The following ROBO1 variants were observed in gnomAD, a reference collection of about 807,000 sequenced individuals.
The protein encoded by ROBO1 is roundabout homolog 1.
In ROBO1, 149 loss-of-function variants were observed where a neutral mutation model predicts 195.9. The observed-to-expected ratio is 0.76, with a 90% CI of 0.67 to 0.87. The LOEUF is 0.87. ROBO1 is among the 40% of genes least tolerant of loss of function. The pLI is 0.00. For missense variants in ROBO1, 1,933 were observed against 2,068.3 expected (o/e 0.93, Z 1.27); for synonymous variants, 816 against 733.2 (o/e 1.11, Z -1.82).
At chr3:78,893,509 A>G (rs1413879877) in intron 4 of ROBO1, among the ~76,000 whole-genome samples, 1 of 152,190 alleles carries the variant, frequency 6.6e-6, no homozygotes, top group Non-Finnish European at 1.5e-5. Flanking sequence ...TAAATTACTC[A>G]GTCTTAGATA....
At chr3:79,205,020 T>A (rs1476593125) in intron 2 of ROBO1, among the ~76,000 whole-genome samples, 5 of 151,698 alleles carry the variant, frequency 3.3e-5, no homozygotes, top group Admixed American at 3.3e-4. Context: ...TTAGAGAGAG[T>A]CTCACTCTGT....
At chr3:79,701,501 G>A (rs143296508) in intron 1 of ROBO1, among the ~76,000 whole-genome samples, 272 of 151,648 alleles carry the variant, frequency 1.8e-3, no homozygotes, top group African/African-American at 5.4e-3. Context: ...GTAGAACAGA[G>A]CCAACTAACC....
intron 2 of ROBO1, among the ~76,000 whole-genome samples, chr3:79,345,789 G>T (rs72898039): frequency 0.02 from 3,043 of 152,156 alleles, 86 homozygotes; most frequent in African/African-American, 0.07. Flanking sequence ...TTTTGCTGAA[G>T]CACACCTTTC....
chr3:79,756,568 A>T (rs1261139985), intron 1 of ROBO1, among the ~76,000 whole-genome samples: 3 of 151,912 alleles, frequency 2.0e-5, no homozygotes, highest in Non-Finnish European at 4.4e-5. Flanking sequence ...AAAAAAAAAA[A>T]AAAAAGTAGA....
chr3:79,732,657 C>G (rs1022802828), intron 1 of ROBO1, among the ~76,000 whole-genome samples: 1 of 152,218 alleles, frequency 6.6e-6, no homozygotes, highest in East Asian at 1.9e-4. Context: ...CAAAATTCAC[C>G]GGGCACTTTT....
At chr3:79,295,368 A>C (rs1336796988) in intron 2 of ROBO1, among the ~76,000 whole-genome samples, 3 of 152,200 alleles carry the variant, frequency 2.0e-5, no homozygotes, top group African/African-American at 7.2e-5. Flanking sequence ...CAAACACTGC[A>C]TGTTGTCACT....
chr3:79,170,129 T>G (rs544259975), intron 2 of ROBO1, among the ~76,000 whole-genome samples: 1 of 152,228 alleles, frequency 6.6e-6, no homozygotes, highest in South Asian at 2.1e-4. Context: ...GGCTCTTTCA[T>G]GAAATATTCT....
chr3:79,620,744 C>T (rs946752641), intron 1 of ROBO1, among the ~76,000 whole-genome samples: 3 of 151,932 alleles, frequency 2.0e-5, no homozygotes, highest in Admixed American at 2.0e-4. Context: ...ATTGATCATG[C>T]ACCCCTTATC....
At chr3:79,376,503 C>A (rs2036389879) in intron 2 of ROBO1, among the ~76,000 whole-genome samples, 1 of 152,096 alleles carries the variant, frequency 6.6e-6, no homozygotes, top group Non-Finnish European at 1.5e-5. Context: ...GTGGGAGGGA[C>A]CTGGTGTGAG....
chr3:79,126,791 G>T (rs1323028902), intron 2 of ROBO1, among the ~76,000 whole-genome samples: 1 of 152,082 alleles, frequency 6.6e-6, no homozygotes, highest in Non-Finnish European at 1.5e-5. Context: ...CATCACAGAG[G>T]TCATTAATTT....
intron 1 of ROBO1, among the ~76,000 whole-genome samples, chr3:79,733,905 A>C (rs1047880508): frequency 6.6e-6 from 1 of 150,778 alleles, no homozygotes; most frequent in Non-Finnish European, 1.5e-5. Flanking sequence ...CTGGCTTATT[A>C]CCTTATGATA....
chr3:78,745,757 A>T (rs567301392), intron 5 of ROBO1, among the ~76,000 whole-genome samples: 1 of 152,270 alleles, frequency 6.6e-6, no homozygotes. Context: ...TAAAATGCTT[A>T]ATTTTCTTTC....
At chr3:79,686,404 T>A (rs981471978) in intron 1 of ROBO1, among the ~76,000 whole-genome samples, 5 of 152,102 alleles carry the variant, frequency 3.3e-5, no homozygotes, top group African/African-American at 9.7e-5. Context: ...TAAAGGGTAT[T>A]CAATTAGGAA....
At chr3:78,888,905 C>CCTTTGGTT (rs1246080443) in intron 4 of ROBO1, among the ~76,000 whole-genome samples, 1 of 152,094 alleles carries the variant, frequency 6.6e-6, no homozygotes, top group East Asian at 1.9e-4. Flanking sequence ...TAACTGTTCA[C>CCTTTGGTT]CTTTGGTTGG....
At chr3:78,851,638 G>A (rs950844287) in intron 4 of ROBO1, among the ~76,000 whole-genome samples, 14 of 151,986 alleles carry the variant, frequency 9.2e-5, no homozygotes, top group Admixed American at 3.3e-4. Context: ...TATTCAGAAA[G>A]GGCACCTGAA....
intron 1 of ROBO1, among the ~76,000 whole-genome samples, chr3:79,742,381 C>T (rs1193902481): frequency 6.6e-6 from 1 of 152,200 alleles, no homozygotes; most frequent in Non-Finnish European, 1.5e-5. Flanking sequence ...CCAGCTCCAG[C>T]TGTGGCTAAA....
rs1016239379 is a variant in ROBO1, at chr3:79,018,842, G to A, written c.173-79915C>T. 1.3e-5 allele frequency: 13 copies of A among 1,007,230 alleles called. No individual in the cohort carries two copies. In the Admixed American group the frequency reaches 3.3e-4, roughly 25 times the overall value. The allele number at this position is 1,007,230 out of a possible 1,614,324, so 62.4% of individuals were successfully genotyped here. A position where few individuals can be genotyped will look rare whatever the true frequency, so the allele number is the denominator to read the frequency against. On this transcript the variant is annotated intron_variant, in intron 3 of 30. Coordinates refer to ENST00000464233, the MANE Select transcript of ROBO1 (RefSeq NM_002941.4). ...ACAATGTGCGGCCGAGCGCCGCTGC[G>A]AGGGCAGGCGCGGCGGCGGCGGCAA... is the stretch of plus-strand genomic sequence containing the variant.
At chr3:78,607,526 T>C (rs1235966870) in intron 28 of ROBO1, among the ~76,000 whole-genome samples, 1 of 152,188 alleles carries the variant, frequency 6.6e-6, no homozygotes, top group Non-Finnish European at 1.5e-5. Flanking sequence ...ACCAACACTT[T>C]TAATGTACTC....
At chr3:79,626,936 A>T (rs1945197989) in intron 1 of ROBO1, among the ~76,000 whole-genome samples, 1 of 152,300 alleles carries the variant, frequency 6.6e-6, no homozygotes, top group African/African-American at 2.4e-5. Context: ...CTAGGAATAC[A>T]GCTAACAAGG....
Sources: gnomAD v4.1 joint callset for allele counts (sites outside exome capture counted in the v4.1 genomes callset) on GRCh38, gnomAD v4.1.1 for gene constraint, MANE v1.5 for transcripts, NCBI Gene and HGNC (gene_info 2026-07-23, HGNC 2026-07-21) for gene names.